Variants in ZNF423 observed in about 807,000 individuals in gnomAD.
ZNF423 encodes the protein zinc finger protein 423.
ZNF423 carries 12 observed loss-of-function variants against 95.8 expected under a neutral mutation model. The ratio of observed to expected loss-of-function variants is 0.13; its 90% CI spans 0.08 to 0.20. The LOEUF is 0.20. Ranked by LOEUF, ZNF423 falls within the 10% of genes least tolerant of loss-of-function variation. ZNF423 has a pLI of 1.00. For synonymous variants in ZNF423, 749 were observed against 711.9 expected (o/e 1.05, Z -0.83); for missense variants, 1,316 against 1,737.1 (o/e 0.76, Z 4.31).
At chr16:49,702,443 C>A (rs761861843) in intron 3 of ZNF423, among the ~76,000 whole-genome samples, 2 of 152,184 alleles carry the variant, frequency 1.3e-5, no homozygotes, top group Non-Finnish European at 2.9e-5. Flanking sequence ...ACAGCTGTGA[C>A]GGCCCTTGTA....
chr16:49,538,300 C>T (rs780741293), intron 5 of ZNF423, among the ~76,000 whole-genome samples: 1 of 152,238 alleles, frequency 6.6e-6, no homozygotes, highest in South Asian at 2.1e-4. Flanking sequence ...CAGGCCCACA[C>T]ACCATAGCAG....
At chr16:49,539,157 T>A (rs1400634648) in intron 5 of ZNF423, among the ~76,000 whole-genome samples, 3 of 152,038 alleles carry the variant, frequency 2.0e-5, no homozygotes, top group Admixed American at 1.3e-4. Flanking sequence ...CTGCCTCAAC[T>A]ACACCCCCCA....
At chr16:49,511,329 G>A (rs935645129) in intron 7 of ZNF423, among the ~76,000 whole-genome samples, 1 of 152,166 alleles carries the variant, frequency 6.6e-6, no homozygotes, top group Non-Finnish European at 1.5e-5. Context: ...TCGAGACCCT[G>A]CACCCAGAGA....
At chr16:49,679,214 G>C (rs1203637639) in intron 3 of ZNF423, among the ~76,000 whole-genome samples, 1 of 152,246 alleles carries the variant, frequency 6.6e-6, no homozygotes, top group Non-Finnish European at 1.5e-5. Context: ...ACCCAGTCTG[G>C]AGCGACCGCT....
At chr16:49,604,679 C>T (rs1013881730) in intron 5 of ZNF423, among the ~76,000 whole-genome samples, 1 of 152,110 alleles carries the variant, frequency 6.6e-6, no homozygotes, top group African/African-American at 2.4e-5. Context: ...TGCCCCTGTC[C>T]CAACTTCCAG....
intron 3 of ZNF423, among the ~76,000 whole-genome samples, chr16:49,676,307 G>A (rs1340475572): frequency 1.3e-5 from 2 of 152,220 alleles, no homozygotes; most frequent in Admixed American, 1.3e-4. Flanking sequence ...GCTGGAAAAT[G>A]CACATTCCCA....
At chr16:49,673,942 G>C (rs974644128) in intron 3 of ZNF423, among the ~76,000 whole-genome samples, 5 of 152,192 alleles carry the variant, frequency 3.3e-5, no homozygotes, top group African/African-American at 9.7e-5. Context: ...AGTTCTGGCA[G>C]GGTGATCAGG....
intron 3 of ZNF423, among the ~76,000 whole-genome samples, chr16:49,669,510 C>G (rs982353120): frequency 6.6e-6 from 1 of 152,170 alleles, no homozygotes; most frequent in African/African-American, 2.4e-5. Flanking sequence ...CATTCTTAAG[C>G]TAAGCCCAGC....
Position 49,631,023 on chromosome 16 carries a change from C to T in ZNF423, c.3516+4637G>A, listed in dbSNP as rs750679253. ...AAGACCTTCACAGACACACCCGCAA[C>T]CCCTACACACAGCAACCTGTAACAC... On this transcript the variant is annotated intron_variant, in intron 4 of 7. Transcript: ENST00000563137. Among the ~76,000 whole-genome samples, 71 of 152,214 alleles carry T rather than the reference C, an allele frequency of 4.7e-4. 1 individual carries two copies. Among genetic ancestry groups the T allele is most frequent in the Non-Finnish European group, 2.5e-4 (17 of 67,986 alleles).
chr16:49,696,690 G>C (rs1461759932), intron 3 of ZNF423, among the ~76,000 whole-genome samples: 1 of 151,746 alleles, frequency 6.6e-6, no homozygotes, highest in Non-Finnish European at 1.5e-5. Context: ...GCCTGACTGG[G>C]CCTTTGTTGC....
intron 7 of ZNF423, among the ~76,000 whole-genome samples, chr16:49,519,835 T>C (rs866671536): frequency 1.3e-5 from 2 of 152,270 alleles, no homozygotes; most frequent in Middle Eastern, 3.4e-3. Context: ...TGATCTGGGC[T>C]CCACTGCCTC....
intron 3 of ZNF423, among the ~76,000 whole-genome samples, chr16:49,710,463 C>A (rs116051646): frequency 1.3e-5 from 2 of 152,302 alleles, no homozygotes; most frequent in Admixed American, 1.3e-4. Context: ...AGGACCTAAA[C>A]GCCTAAGAAG....
chr16:49,799,021 G>T (rs2034541297), intron 1 of ZNF423, among the ~76,000 whole-genome samples: 1 of 152,312 alleles, frequency 6.6e-6, no homozygotes, highest in Middle Eastern at 3.4e-3. Context: ...AGCTATGGCT[G>T]TGAGGTAGAG....
chr16:49,693,758 C>T (rs553232667), intron 3 of ZNF423, among the ~76,000 whole-genome samples: 17 of 152,312 alleles, frequency 1.1e-4, no homozygotes, highest in African/African-American at 3.4e-4. Context: ...GGGGGATTAA[C>T]TTGCCCTCTT....
At chr16:49,842,007 C>A (rs1477609093) in intron 1 of ZNF423, among the ~76,000 whole-genome samples, 1 of 151,924 alleles carries the variant, frequency 6.6e-6, no homozygotes, top group African/African-American at 2.4e-5. Context: ...GAGGCCCATG[C>A]GGGCGGATCA....
chr16:49,663,403 C>T (rs12920279), intron 3 of ZNF423, among the ~76,000 whole-genome samples: 80,841 of 151,712 alleles, frequency 0.53, 21,692 homozygotes, highest in Non-Finnish European at 0.56. Context: ...GCCCACCCCC[C>T]TCGAGGCCCT....
intron 2 of ZNF423, among the ~76,000 whole-genome samples, chr16:49,749,741 T>C (rs2033596974): frequency 7.8e-6 from 1 of 127,404 alleles, no homozygotes; most frequent in African/African-American, 3.0e-5. Flanking sequence ...TGGAGGGAAA[T>C]CACACGGGTC....
intron 5 of ZNF423, among the ~76,000 whole-genome samples, chr16:49,615,007 T>C (rs1354493370): frequency 1.3e-5 from 2 of 152,172 alleles, no homozygotes; most frequent in Non-Finnish European, 2.9e-5. Context: ...GACGCTTGCC[T>C]GTAATCTCAG....
At chr16:49,685,890 C>G (rs1483813367) in intron 3 of ZNF423, among the ~76,000 whole-genome samples, 1 of 152,232 alleles carries the variant, frequency 6.6e-6, no homozygotes, top group Non-Finnish European at 1.5e-5. Flanking sequence ...CACGCTCCCC[C>G]ATGCTGCCTA....
Sources: gnomAD v4.1 joint callset for allele counts (sites outside exome capture counted in the v4.1 genomes callset) on GRCh38, gnomAD v4.1.1 for gene constraint, MANE v1.5 for transcripts, NCBI Gene and HGNC (gene_info 2026-07-23, HGNC 2026-07-21) for gene names.